The following LRP5 variants were observed in gnomAD, a reference collection of about 807,000 sequenced individuals.
The protein encoded by LRP5 is LDL receptor related protein 5.
LRP5 carries 62 observed loss-of-function variants against 154.1 expected under a neutral mutation model. That is an observed-to-expected ratio of 0.40 (90% CI 0.33 to 0.50). The LOEUF is 0.50. Among genes scored for constraint, LRP5 ranks in the 20% least tolerant of loss-of-function variants. The pLI, the probability that LRP5 is intolerant of heterozygous loss-of-function variation, is 0.55. For missense variants in LRP5, 1,915 were observed against 2,336.7 expected, an observed-to-expected ratio of 0.82 and a Z score of 3.72; for synonymous variants, 966 against 1,011.5, an observed-to-expected ratio of 0.96 and a Z score of 0.85.
At chr11:68,402,908 C>T (rs685095) in intron 7 of LRP5, among the ~76,000 whole-genome samples, 106,533 of 152,046 alleles carry the variant, frequency 0.7, 38,626 homozygotes, top group South Asian at 0.84. Context: ...GGATCCTCAG[C>T]TGGCCCTGTC....
chr11:68,423,967 T>A lies in LRP5; in HGVS notation c.3236+270T>A, dbSNP rs1297755201. Among the ~76,000 whole-genome samples the A allele has an allele frequency of 3.3e-5, 5 of 152,208 alleles. No individual in the cohort carries two copies. The highest frequency in any genetic ancestry group is 6.5e-5 in the Admixed American group (1 of 15,286). On this transcript the variant is annotated intron_variant, in intron 14 of 22. Transcript: ENST00000294304. The surrounding 1 kb of genome is among the most constrained non-coding windows in gnomAD (Gnocchi z 4.7). ...GGAGTTGCAGTTGATAGGTTTTGTA[T>A]CATCCTTGTTAAACTTGAACCCTGT...
chr11:68,395,801 A>G (rs1443052244), intron 7 of LRP5, among the ~76,000 whole-genome samples: 10 of 151,896 alleles, frequency 6.6e-5, no homozygotes, highest in Admixed American at 2.0e-4. Flanking sequence ...GCCCGTGGAG[A>G]TGCTGGCTCT....
At chr11:68,359,798 T>G (rs554948307) in intron 3 of LRP5, among the ~76,000 whole-genome samples, 9 of 151,712 alleles carry the variant, frequency 5.9e-5, no homozygotes, top group South Asian at 2.1e-4. Context: ...TTGTTTTTTT[T>G]TTTTTTGGGA....
At chr11:68,300,310 A>C in the LRP5 span, among the ~76,000 whole-genome samples, 1 of 149,222 alleles carries the variant, frequency 6.7e-6, no homozygotes, top group Non-Finnish European at 1.5e-5. Flanking sequence ...GAGGAGGACA[A>C]GGGAGGGGAT....
At chr11:68,379,869 C>G (rs1309589058) in intron 5 of LRP5, among the ~76,000 whole-genome samples, 1 of 152,200 alleles carries the variant, frequency 6.6e-6, no homozygotes, top group African/African-American at 2.4e-5. Flanking sequence ...TGGTGGCTCA[C>G]GCCTGTAATC....
At chr11:68,359,935 C>T (rs751072684) in intron 3 of LRP5, among the ~76,000 whole-genome samples, 15 of 151,856 alleles carry the variant, frequency 9.9e-5, no homozygotes, top group East Asian at 7.7e-4. Flanking sequence ...TACAGGTGCC[C>T]GCCACCACGC....
chr11:68,314,195 A>T (rs2098591178), intron 1 of LRP5, among the ~76,000 whole-genome samples: 1 of 152,016 alleles, frequency 6.6e-6, no homozygotes. Flanking sequence ...TTTGTTTTAA[A>T]GGGGGGGTTT....
intron 1 of LRP5, among the ~76,000 whole-genome samples, chr11:68,320,494 C>T (rs565326718): frequency 1.4e-3 from 200 of 144,028 alleles, no homozygotes; most frequent in Middle Eastern, 0.011. Context: ...CTCGCTGTGT[C>T]CTCCAGGCTG....
chr11:68,369,891 G>A (rs539062423), intron 5 of LRP5, among the ~76,000 whole-genome samples: 16 of 152,254 alleles, frequency 1.1e-4, no homozygotes, highest in South Asian at 4.1e-4. Flanking sequence ...TGACGGAGCC[G>A]TGCTGGGTGC....
intron 7 of LRP5, among the ~76,000 whole-genome samples, chr11:68,393,394 C>CT (rs1471023350): frequency 6.6e-6 from 1 of 152,256 alleles, no homozygotes; most frequent in East Asian, 1.9e-4. Flanking sequence ...AACCATTAAA[C>CT]TGTTTTCAAC....
intron 7 of LRP5, among the ~76,000 whole-genome samples, chr11:68,396,960 T>C (rs1373859610): frequency 1.3e-5 from 2 of 152,188 alleles, no homozygotes; most frequent in Non-Finnish European, 2.9e-5. Context: ...CTGCTTCACA[T>C]AGCTGCCTCT....
At chr11:68,425,001 G>A in intron 14 of LRP5, 101 bp from the exon 15 acceptor site, 1 of 1,005,804 alleles carries the variant, frequency 9.9e-7, no homozygotes, top group Non-Finnish European at 1.5e-6. Flanking sequence ...GCAGCCCTGA[G>A]AGGCAGGGGC....
chr11:68,443,586 T>TATATA (rs1491131627), intron 21 of LRP5, among the ~76,000 whole-genome samples: 8 of 13,742 alleles, frequency 5.8e-4, no homozygotes, highest in Admixed American at 1.3e-3. Flanking sequence ...TATATATATA[T>TATATA]TTTTTTTTTT....
At position 68,397,579 on chromosome 11, in the gene LRP5, G is replaced by A. The variant is rs532082851; in HGVS notation, c.1585-5904G>A. Among the ~76,000 whole-genome samples, 3 of 152,326 alleles carry A rather than the reference G, an allele frequency of 2.0e-5. No individual in the cohort carries two copies. The East Asian group carries it at 5.8e-4, about 29-fold the overall frequency. ...GGCGACACCTGGTCCCTGCCTGGAG[G>A]CTGGAAGCTGTGGCCCTTGTATGCC... On this transcript the variant is annotated intron_variant, in intron 7 of 22. Coordinates refer to ENST00000294304, the MANE Select transcript of LRP5 (RefSeq NM_002335.4).
intron 7 of LRP5, among the ~76,000 whole-genome samples, chr11:68,394,554 C>T (rs1272790943): frequency 6.6e-6 from 1 of 152,074 alleles, no homozygotes; most frequent in Non-Finnish European, 1.5e-5. Flanking sequence ...CAAGCTCTGC[C>T]TCCCGGGTTC....
chr11:68,413,579 A>T lies in LRP5; in HGVS notation c.2504-110A>T, dbSNP rs1404701210. The stretch of plus-strand genomic sequence containing the variant: ...GGTGGCCAAACACTTTAAGGCATTC[A>T]TGTGGTCGCTAGGCTGCAGGGTTGA... On this transcript the variant is annotated intron_variant, in intron 11 of 22. Transcript: ENST00000294304. This position sits in a 1 kb window ranked among gnomAD's most constrained non-coding sequence, Gnocchi z 5.1. 6 of 945,554 alleles carry T rather than the reference A, an allele frequency of 6.3e-6. No individual in the cohort carries two copies. Among genetic ancestry groups the T allele is most frequent in the Non-Finnish European group, 1.0e-5 (6 of 587,650 alleles). 58.6% of individuals were successfully genotyped at this position (945,554 alleles called of 1,614,324 possible). A position where few individuals can be genotyped will look rare whatever the true frequency, so the allele number is the denominator to read the frequency against.
intron 2 of LRP5, among the ~76,000 whole-genome samples, chr11:68,351,304 G>A (rs933995707): frequency 6.6e-6 from 1 of 152,058 alleles, no homozygotes; most frequent in Non-Finnish European, 1.5e-5. Context: ...CAGCTGCCGG[G>A]GAGCCAGCTG....
Position 68,439,926 on chromosome 11 carries a change from G to A in LRP5, c.4488+10G>A, listed in dbSNP as rs202206612. 338 of 1,537,438 alleles carry A rather than the reference G, an allele frequency of 2.2e-4. 2 individuals carry two copies. In the East Asian group the frequency reaches 6.8e-3, roughly 31 times the overall value. ...CACGCTGTACCCGCCGGTGAGGGGC[G>A]GGGCCGGGGAGGGGCGGGGCGGGAT... is the stretch of plus-strand genomic sequence containing the variant. On this transcript the variant is annotated intron_variant, in intron 21 of 22. Coordinates refer to ENST00000294304, the MANE Select transcript of LRP5 (RefSeq NM_002335.4).
chr11:68,378,353 C>T (rs1044161870), intron 5 of LRP5, among the ~76,000 whole-genome samples: 5 of 152,076 alleles, frequency 3.3e-5, no homozygotes, highest in Non-Finnish European at 5.9e-5. Flanking sequence ...TGGCTTCTTT[C>T]GCCCCATCCC....
Sources: allele counts gnomAD v4.1 joint callset (sites outside exome capture counted in the v4.1 genomes callset), GRCh38; gene constraint gnomAD v4.1.1; non-coding constraint Gnocchi (gnomAD v3.1); transcripts MANE v1.5; gene names NCBI Gene and HGNC (gene_info 2026-07-23, HGNC 2026-07-21).